WDR25: variants seen among roughly 807,000 people sequenced by gnomAD.
The protein encoded by WDR25 is WD repeat domain 25.
In WDR25, 35 loss-of-function variants were observed where a neutral mutation model predicts 47.7. That is an observed-to-expected ratio of 0.73 (90% CI 0.56 to 0.97). The LOEUF is 0.97. WDR25 is among the 50% of genes least tolerant of loss of function. The pLI is 0.00. For synonymous variants in WDR25, 248 were observed against 278.9 expected, an observed-to-expected ratio of 0.89 and a Z score of 1.10; for missense variants, 634 against 704.7, an observed-to-expected ratio of 0.90 and a Z score of 1.14.
intron 2 of WDR25, among the ~76,000 whole-genome samples, chr14:100,399,233 G>A (rs535357954): frequency 6.6e-6 from 1 of 152,256 alleles, no homozygotes. Context: ...ATAATTGAGT[G>A]TGTCTTGAGG....
chr14:100,463,203 C>A (rs958915442), intron 2 of WDR25, among the ~76,000 whole-genome samples: 1 of 150,840 alleles, frequency 6.6e-6, no homozygotes, highest in East Asian at 1.9e-4. Flanking sequence ...TGCTCCTCCT[C>A]CTCTCCGTCT....
Position 100,404,628 on chromosome 14 carries a change from C to T in WDR25, c.822+22882C>T, listed in dbSNP as rs910758222. ...AGTGCTTCCTCCCAGGCATAGGGTC[C>T]GCTGGAGGCCTGGCGTTCCCATGGG... On this transcript the variant is annotated intron_variant, in intron 2 of 6. Coordinates refer to ENST00000402312, the MANE Select transcript of WDR25 (RefSeq NM_001161476.3). This position sits in a 1 kb window ranked among gnomAD's most constrained non-coding sequence, Gnocchi z 4.6. 1.3e-5 allele frequency among the ~76,000 whole-genome samples: 2 copies of T among 152,186 alleles called. No homozygotes were observed. Among genetic ancestry groups the T allele is most frequent in the Non-Finnish European group, 2.9e-5 (2 of 68,032 alleles).
Position 100,430,719 on chromosome 14 carries a change from G to C in WDR25, c.823-37302G>C, listed in dbSNP as rs1224257699. Among the ~76,000 whole-genome samples, 2 of 152,194 alleles carry C rather than the reference G, an allele frequency of 1.3e-5. No individual in the cohort carries two copies. The highest frequency in any genetic ancestry group is 4.8e-5 in the African/African-American group (2 of 41,456). ...CTGCATCTCGATAGGCTGTGGGGAA[G>C]GGATGGTGGAGATGCAGGAAGCCCA... On this transcript the variant is annotated intron_variant, in intron 2 of 6. Transcript: ENST00000402312. The surrounding 1 kb of genome is among the most constrained non-coding windows in gnomAD (Gnocchi z 4.7).
intron 1 of WDR25, among the ~76,000 whole-genome samples, chr14:100,377,709 T>C (rs535192585): frequency 6.6e-6 from 1 of 152,100 alleles, no homozygotes; most frequent in African/African-American, 2.4e-5. Context: ...CTACAGACAT[T>C]TATGGAATGA....
chr14:100,413,709 G>A (rs745782881), intron 2 of WDR25, among the ~76,000 whole-genome samples: 4 of 152,104 alleles, frequency 2.6e-5, no homozygotes, highest in Non-Finnish European at 4.4e-5. Context: ...CACCGCGCCC[G>A]GCCTTGCCAT....
At chr14:100,515,398 C>T (rs1173653637) in intron 4 of WDR25, among the ~76,000 whole-genome samples, 1 of 151,794 alleles carries the variant, frequency 6.6e-6, no homozygotes, top group African/African-American at 2.4e-5. Flanking sequence ...TGGATTTATT[C>T]CATAGCTCAC....
rs893186172 is a variant in WDR25, at chr14:100,500,151, G to T, written c.1101+16027G>T. Among the ~76,000 whole-genome samples, 10 of 152,256 alleles carry T rather than the reference G, an allele frequency of 6.6e-5. No individual in the cohort carries two copies. The highest frequency in any genetic ancestry group is 3.4e-3 in the Middle Eastern group (1 of 294). On this transcript the variant is annotated intron_variant, in intron 4 of 6. Transcript: ENST00000402312. This position sits in a 1 kb window ranked among gnomAD's most constrained non-coding sequence, Gnocchi z 4.7. ...TCCTCTCTGTGCACCAAGGAGGAGG[G>T]CCAGCCTGACTGGATGGGGCGGCTC...
In WDR25 at chr14:100,379,076, C is replaced by T. The variant is rs577922805; in HGVS notation, c.-15-1834C>T. Among the ~76,000 whole-genome samples, 321 of 151,558 alleles carry T rather than the reference C, an allele frequency of 2.1e-3. 3 individuals carry two copies. The highest frequency in any genetic ancestry group is 3.9e-3 in the Non-Finnish European group (265 of 67,998). On this transcript the variant is annotated intron_variant, in intron 1 of 6. Coordinates refer to ENST00000402312, the MANE Select transcript of WDR25 (RefSeq NM_001161476.3). Reference sequence around the variant, plus strand: ...AGGGGAAAGTGGCAGGCCTTTCCCACCATGGATCCTGGACGTCTTTTGATT... The same window carrying T: ...AGGGGAAAGTGGCAGGCCTTTCCCATCATGGATCCTGGACGTCTTTTGATT...
At chr14:100,403,020 A>T (rs1897425664) in intron 2 of WDR25, among the ~76,000 whole-genome samples, 1 of 148,818 alleles carries the variant, frequency 6.7e-6, no homozygotes, top group African/African-American at 2.4e-5. Flanking sequence ...CGCTGACCTC[A>T]GGGCTTCTGT....
chr14:100,400,868 C>A (rs1262156542), intron 2 of WDR25, among the ~76,000 whole-genome samples: 1 of 152,170 alleles, frequency 6.6e-6, no homozygotes, highest in East Asian at 1.9e-4. Flanking sequence ...TGATAATGGA[C>A]CCCACACAGT....
At chr14:100,496,812 CT>C (rs1203437792) in intron 4 of WDR25, among the ~76,000 whole-genome samples, 2 of 104,532 alleles carry the variant, frequency 1.9e-5, no homozygotes, top group Non-Finnish European at 4.3e-5. Context: ...TTTTCTTTTT[CT>C]TTTTTTCTTT....
At chr14:100,511,085 A>G (rs1225367852) in intron 4 of WDR25, among the ~76,000 whole-genome samples, 3 of 152,192 alleles carry the variant, frequency 2.0e-5, no homozygotes, top group Non-Finnish European at 4.4e-5. Context: ...TTGAACTTTA[A>G]ATGGTATTGC....
chr14:100,457,517 C>T (rs915660248), intron 2 of WDR25, among the ~76,000 whole-genome samples: 2 of 152,092 alleles, frequency 1.3e-5, no homozygotes, highest in Non-Finnish European at 2.9e-5. Flanking sequence ...ATTTTAAAAC[C>T]GAAGTGATTT....
chr14:100,454,580 G>A, intron 2 of WDR25: 1 of 543,556 alleles, frequency 1.8e-6, no homozygotes, highest in South Asian at 1.5e-5. Context: ...GGCAGAGACT[G>A]GACAGACGTC....
At chr14:100,469,481 T>G (rs900563489) in intron 3 of WDR25, among the ~76,000 whole-genome samples, 6 of 152,168 alleles carry the variant, frequency 3.9e-5, no homozygotes, top group African/African-American at 7.2e-5. Context: ...AGCAGCTTGC[T>G]CAGTGCCTCC....
intron 4 of WDR25, among the ~76,000 whole-genome samples, chr14:100,496,825 A>ATTCTT (rs1900743097): frequency 2.3e-5 from 2 of 88,294 alleles, no homozygotes; most frequent in African/African-American, 9.9e-5. Flanking sequence ...TTTTTCTTTA[A>ATTCTT]TTCTTTTTTT....
At chr14:100,431,694 C>T (rs1396487385) in intron 2 of WDR25, among the ~76,000 whole-genome samples, 7 of 151,508 alleles carry the variant, frequency 4.6e-5, no homozygotes, top group African/African-American at 1.7e-4. Flanking sequence ...TTACAGGTGC[C>T]TGCCACCATG....
chr14:100,444,280 A>G (rs112833033), intron 2 of WDR25, among the ~76,000 whole-genome samples: 7,369 of 152,258 alleles, frequency 0.048, 573 homozygotes, highest in African/African-American at 0.17. Context: ...AAATTTTGCT[A>G]CTTCGAAGGT....
At position 100,424,824 on chromosome 14, in the gene WDR25, A is replaced by T. The variant is rs1239221466; in HGVS notation, c.822+43078A>T. 1.3e-5 allele frequency among the ~76,000 whole-genome samples: 2 copies of T among 152,190 alleles called. No individual in the cohort carries two copies. The highest frequency in any genetic ancestry group is 4.8e-5 in the African/African-American group (2 of 41,436). On this transcript the variant is annotated intron_variant, in intron 2 of 6. Coordinates refer to ENST00000402312, the MANE Select transcript of WDR25 (RefSeq NM_001161476.3). This position sits in a 1 kb window ranked among gnomAD's most constrained non-coding sequence, Gnocchi z 4.2. ...GTAGTCTAGCAGAGTAAGTTTGATC[A>T]TTCCATTCCACTGACAAGGAAACTC...
Sources: allele counts gnomAD v4.1 joint callset (sites outside exome capture counted in the v4.1 genomes callset), GRCh38; gene constraint gnomAD v4.1.1; non-coding constraint Gnocchi (gnomAD v3.1); transcripts MANE v1.5; gene names NCBI Gene and HGNC (gene_info 2026-07-23, HGNC 2026-07-21).